Variants in PRPSAP1 observed in about 807,000 individuals in gnomAD.
PRPSAP1 encodes phosphoribosyl pyrophosphate synthase-associated protein 1.
Under a neutral mutation model 39.4 loss-of-function variants are expected in PRPSAP1, and 31 were observed. The observed-to-expected ratio is 0.79, with a 90% CI of 0.59 to 1.06. PRPSAP1 has a LOEUF of 1.06. Ranked by LOEUF, PRPSAP1 falls within the 50% of genes least tolerant of loss-of-function variation. PRPSAP1 has a pLI of 0.00. For missense variants in PRPSAP1, 430 were observed against 511.6 expected, an observed-to-expected ratio of 0.84 and a Z score of 1.54; for synonymous variants, 212 against 192.6, an observed-to-expected ratio of 1.10 and a Z score of -0.83.
At chr17:76,352,125 A>G (rs1489369714) in intron 1 of PRPSAP1, among the ~76,000 whole-genome samples, 1 of 152,070 alleles carries the variant, frequency 6.6e-6, no homozygotes, top group Non-Finnish European at 1.5e-5. Context: ...TTTCTTCTAC[A>G]TTTCCCCCCA....
Position 76,332,249 on chromosome 17 carries a change from C to A in PRPSAP1, c.463+14G>T, listed in dbSNP as rs770194910. 2 of 1,612,784 alleles carry A rather than the reference C, an allele frequency of 1.2e-6. No homozygotes were observed. Among genetic ancestry groups the A allele is most frequent in the Non-Finnish European group, 1.7e-6 (2 of 1,179,250 alleles). On this transcript the variant is annotated intron_variant, in intron 4 of 9. Coordinates refer to ENST00000446526, the MANE Select transcript of PRPSAP1 (RefSeq NM_002766.3). Reference sequence around the variant, plus strand: ...GGATCATGCTGGAACCCCAGGGCCCCCGCGCACACTCACCTGCTTTCGCCA... The same window carrying A: ...GGATCATGCTGGAACCCCAGGGCCCACGCGCACACTCACCTGCTTTCGCCA...
At chr17:76,351,007 G>C (rs1002689063) in intron 1 of PRPSAP1, among the ~76,000 whole-genome samples, 1 of 152,074 alleles carries the variant, frequency 6.6e-6, no homozygotes, top group Admixed American at 6.6e-5. Context: ...ACTCCAGCCT[G>C]GGCAACAAGA....
intron 7 of PRPSAP1, among the ~76,000 whole-genome samples, chr17:76,315,817 C>T (rs1297057337): frequency 6.8e-6 from 1 of 147,680 alleles, no homozygotes; most frequent in African/African-American, 2.5e-5. Flanking sequence ...TGGGCTCAAG[C>T]GATTCTCCTG....
chr17:76,330,357 A>C, intron 5 of PRPSAP1, 194 bp downstream of exon 5: 1 of 603,762 alleles, frequency 1.7e-6, no homozygotes, highest in East Asian at 2.8e-5. Context: ...GATACGTAGA[A>C]AAAAAATCTG....
At chr17:76,315,207 A>G (rs961493898) in intron 7 of PRPSAP1, among the ~76,000 whole-genome samples, 1 of 152,264 alleles carries the variant, frequency 6.6e-6, no homozygotes, top group Non-Finnish European at 1.5e-5. Context: ...AAGAAAGGAA[A>G]TAAGATTTTA....
At chr17:76,318,796 A>G (rs2071153682) in intron 7 of PRPSAP1, among the ~76,000 whole-genome samples, 1 of 152,228 alleles carries the variant, frequency 6.6e-6, no homozygotes, top group African/African-American at 2.4e-5. Context: ...ACACACAAAG[A>G]TGACTGCCGG....
At chr17:76,315,171 G>T (rs1321857774) in intron 7 of PRPSAP1, among the ~76,000 whole-genome samples, 1 of 152,152 alleles carries the variant, frequency 6.6e-6, no homozygotes, top group East Asian at 1.9e-4. Flanking sequence ...GAAAGGCTAT[G>T]AGTGTACAAA....
At chr17:76,318,766 T>C (rs1264919229) in intron 7 of PRPSAP1, among the ~76,000 whole-genome samples, 1 of 152,158 alleles carries the variant, frequency 6.6e-6, no homozygotes, top group East Asian at 1.9e-4. Flanking sequence ...TGTCTAGAAG[T>C]AATGCACTCT....
chr17:76,336,732 C>CAA (rs57399038), intron 3 of PRPSAP1, among the ~76,000 whole-genome samples: 203 of 63,140 alleles, frequency 3.2e-3, no homozygotes, highest in Middle Eastern at 8.8e-3. Flanking sequence ...AACTCCATCT[C>CAA]AAAAAAAAAA....
At chr17:76,354,007 C>G, upstream of PRPSAP1, 1 of 1,195,168 alleles carries the variant, frequency 8.4e-7, no homozygotes, top group Non-Finnish European at 1.0e-6. Context: ...CCTGGCGACT[C>G]TCTAAAAGCC....
intron 7 of PRPSAP1, among the ~76,000 whole-genome samples, chr17:76,322,110 C>A (rs1191142924): frequency 2.6e-5 from 4 of 152,124 alleles, no homozygotes; most frequent in Non-Finnish European, 5.9e-5. Flanking sequence ...CAATATCAAA[C>A]AACAGGCCGG....
chr17:76,311,793 C>T (rs2071073583), intron 9 of PRPSAP1, 93 bp from the exon 10 acceptor site: 1 of 1,398,450 alleles, frequency 7.2e-7, no homozygotes, highest in Non-Finnish European at 9.7e-7. Context: ...TGAGTTCCCA[C>T]AGCCTAAGTT....
rs146041995 is a variant in PRPSAP1, at chr17:76,315,862, G to A, written c.782-1971C>T. On this transcript the variant is annotated intron_variant, in intron 7 of 9. Coordinates refer to ENST00000446526, the MANE Select transcript of PRPSAP1 (RefSeq NM_002766.3). ...CCTAAGTAGCTGGGATTACAGGCAC[G>A]TGCCACCACATCTGGCTAATTTTTT... 5.8e-3 allele frequency among the ~76,000 whole-genome samples: 871 copies of A among 151,352 alleles called. 6 individuals are homozygous for A. The highest frequency in any genetic ancestry group is 0.02 in the African/African-American group (827 of 41,310).
At chr17:76,313,126 T>TTTTCCATC in intron 8 of PRPSAP1, 110 bp from the exon 9 acceptor site, 1 of 1,362,200 alleles carries the variant, frequency 7.3e-7, no homozygotes, top group Non-Finnish European at 9.8e-7. Context: ...GGATTTCTGA[T>TTTTCCATC]GGAAAATCAG....
At chr17:76,344,947 A>G (rs2071479938) in intron 2 of PRPSAP1, among the ~76,000 whole-genome samples, 2 of 151,890 alleles carry the variant, frequency 1.3e-5, no homozygotes, top group South Asian at 2.1e-4. Context: ...CAAAAAATAC[A>G]AGAATTAGCT....
At chr17:76,337,509 C>CA (rs943852700) in intron 3 of PRPSAP1, 123 of 152,344 alleles carry the variant, frequency 8.1e-4, no homozygotes, top group African/African-American at 2.8e-3. Context: ...GCCAGGCTCG[C>CA]AAAAAGAGAA....
chr17:76,341,123 C>T (rs1053712146), intron 3 of PRPSAP1, among the ~76,000 whole-genome samples: 5 of 152,176 alleles, frequency 3.3e-5, no homozygotes, highest in African/African-American at 9.6e-5. Flanking sequence ...CAGAGGAGAA[C>T]TGCTCTGATC....
At chr17:76,314,201 A>AATGTATGTATGTATGT (rs58359232) in intron 7 of PRPSAP1, 12,103 of 359,022 alleles carry the variant, frequency 0.034, 749 homozygotes, top group African/African-American at 0.16. Context: ...CTGATATAAA[A>AATGTATGTATGTATGT]ATGTATGTAT....
chr17:76,317,703 C>A (rs1465605417), intron 7 of PRPSAP1, among the ~76,000 whole-genome samples: 1 of 152,182 alleles, frequency 6.6e-6, no homozygotes, highest in East Asian at 1.9e-4. Context: ...CATCTTCACT[C>A]GTGAAATTAA....
Sources: gnomAD v4.1 joint callset for allele counts (sites outside exome capture counted in the v4.1 genomes callset) on GRCh38, gnomAD v4.1.1 for gene constraint, MANE v1.5 for transcripts, NCBI Gene and HGNC (gene_info 2026-07-23, HGNC 2026-07-21) for gene names.